Variants in IFT74 observed in about 807,000 individuals in gnomAD.
IFT74 encodes the protein intraflagellar transport 74, also known as intraflagellar transport protein 74 homolog.
Under a neutral mutation model 96.7 loss-of-function variants are expected in IFT74, and 92 were observed. The ratio of observed to expected loss-of-function variants is 0.95; its 90% CI spans 0.80 to 1.13. The LOEUF (loss-of-function observed/expected upper bound fraction) is 1.13. Ranked by LOEUF, IFT74 falls within the 50% of genes most tolerant of loss-of-function variation. The pLI is 0.00. For synonymous variants in IFT74, 223 were observed against 213.2 expected, an observed-to-expected ratio of 1.05 and a Z score of -0.40; for missense variants, 811 against 698.2, an observed-to-expected ratio of 1.16 and a Z score of -1.82.
intron 8 of IFT74, among the ~76,000 whole-genome samples, chr9:26,998,820 C>T (rs867358799): frequency 1.3e-4 from 20 of 150,160 alleles, no homozygotes; most frequent in African/African-American, 3.7e-4. Flanking sequence ...CCTGTCTCTA[C>T]TGAAAATACA....
At chr9:26,974,778 T>C (rs1360261761) in intron 2 of IFT74, among the ~76,000 whole-genome samples, 1 of 152,188 alleles carries the variant, frequency 6.6e-6, no homozygotes, top group Non-Finnish European at 1.5e-5. Context: ...GTCCTAAGAA[T>C]TGATCAACTT....
chr9:27,024,546 C>A (rs1277085579), intron 12 of IFT74, among the ~76,000 whole-genome samples: 1 of 152,132 alleles, frequency 6.6e-6, no homozygotes, highest in Non-Finnish European at 1.5e-5. Flanking sequence ...TTTCTTCTGT[C>A]ATAGTCTACC....
At chr9:26,987,665 T>G (rs1325892494) in intron 6 of IFT74, among the ~76,000 whole-genome samples, 1 of 152,220 alleles carries the variant, frequency 6.6e-6, no homozygotes. Flanking sequence ...TTAGTAGACC[T>G]TCTGTTCACA....
intron 1 of IFT74, among the ~76,000 whole-genome samples, chr9:26,957,121 C>G (rs1826144980): frequency 6.6e-6 from 1 of 152,142 alleles, no homozygotes; most frequent in Non-Finnish European, 1.5e-5. Flanking sequence ...GCCAGGCTGC[C>G]TCTCTGTGTG....
At chr9:26,998,954 A>G (rs191613026) in intron 8 of IFT74, among the ~76,000 whole-genome samples, 1 of 152,210 alleles carries the variant, frequency 6.6e-6, no homozygotes, top group East Asian at 1.9e-4. Flanking sequence ...AGATCATGCC[A>G]TTACACTCCA....
chr9:27,027,743 G>C (rs1429359404), intron 12 of IFT74, among the ~76,000 whole-genome samples: 1 of 151,878 alleles, frequency 6.6e-6, no homozygotes, highest in African/African-American at 2.4e-5. Context: ...ATTTTCCCTT[G>C]TTCTATGAAT....
chr9:26,979,722 T>A (rs1333329991), intron 3 of IFT74, among the ~76,000 whole-genome samples: 4 of 142,254 alleles, frequency 2.8e-5, no homozygotes, highest in Admixed American at 7.0e-5. Context: ...TTTTTTTTTT[T>A]TTTTTTTTGA....
rs1359736519 is a variant in IFT74, at chr9:27,016,969, G to T, written c.852G>T (p.Leu284Phe). ...AVLLHEKLYE[L>F]ESHRDQMIAE... ...TGCTGCATGAAAAACTTTATGAGTT[G>T]GAGTCCCATCGAGATCAAATGATTG... is the stretch of plus-strand genomic sequence containing the variant. Residue 284 changes from leucine to phenylalanine, a missense_variant, in exon 11 of 20, where the codon TTG (leucine) becomes TTT (phenylalanine). Transcript: ENST00000380062. 6.2e-7 allele frequency: 1 copy of T among 1,610,916 alleles called. No individual in the cohort carries two copies. The highest frequency in any genetic ancestry group is 1.7e-5 in the Admixed American group (1 of 59,624).
At chr9:27,020,479 T>C (rs1032326970) in intron 12 of IFT74, among the ~76,000 whole-genome samples, 2 of 149,862 alleles carry the variant, frequency 1.3e-5, no homozygotes, top group African/African-American at 4.9e-5. Context: ...TTTTTTTTTT[T>C]TTTCTTTTTT....
Position 27,064,376 on chromosome 9 carries a change from A to T in IFT74, c.*1640A>T, listed in dbSNP as rs942624958. ...AAGTGCTTATAAAATTTCACAAGGG[A>T]AAAAAACTCTTTTAGCAGTTAAAGA... On this transcript the variant is annotated 3_prime_UTR_variant, in exon 20 of 20. Transcript: ENST00000380062. Among the ~76,000 whole-genome samples, 2 of 152,068 alleles carry T rather than the reference A, an allele frequency of 1.3e-5. No individual in the cohort carries two copies. Among genetic ancestry groups the T allele is most frequent in the Non-Finnish European group, 2.9e-5 (2 of 67,960 alleles).
intron 15 of IFT74, among the ~76,000 whole-genome samples, chr9:27,047,578 A>G (rs1819748081): frequency 1.3e-5 from 2 of 152,220 alleles, no homozygotes; most frequent in African/African-American, 4.8e-5. Flanking sequence ...ATAGAGAAAA[A>G]GGATGACATG....
At chr9:27,018,879 A>G (rs1429583026) in intron 12 of IFT74, among the ~76,000 whole-genome samples, 192 bp downstream of exon 12, 1 of 152,174 alleles carries the variant, frequency 6.6e-6, no homozygotes, top group African/African-American at 2.4e-5. Flanking sequence ...ATACCATATA[A>G]TAGACATATT....
At chr9:27,017,665 T>C (rs1829413773) in intron 11 of IFT74, among the ~76,000 whole-genome samples, 1 of 152,212 alleles carries the variant, frequency 6.6e-6, no homozygotes, top group Non-Finnish European at 1.5e-5. Context: ...ATTTAGAAAA[T>C]GGAGTATCCC....
chr9:27,052,859 T>G (rs1015973849), intron 16 of IFT74, among the ~76,000 whole-genome samples: 1 of 147,860 alleles, frequency 6.8e-6, no homozygotes, highest in African/African-American at 2.6e-5. Context: ...GTACTCCATG[T>G]TGTTGTTGTT....
At chr9:26,987,309 CT>C (rs1034531624) in intron 6 of IFT74, among the ~76,000 whole-genome samples, 1 of 152,040 alleles carries the variant, frequency 6.6e-6, no homozygotes, top group African/African-American at 2.4e-5. Context: ...CCAGGCTGAT[CT>C]CAAACTCCTG....
chr9:26,988,858 C>T, intron 7 of IFT74, 130 bp downstream of exon 7: 1 of 858,234 alleles, frequency 1.2e-6, no homozygotes, highest in Non-Finnish European at 1.6e-6. Context: ...TTGTAAATAC[C>T]ACTATTAGGT....
chr9:26,991,153 A>T (rs770460100), intron 8 of IFT74, among the ~76,000 whole-genome samples: 16 of 152,210 alleles, frequency 1.1e-4, no homozygotes, highest in Non-Finnish European at 2.1e-4. Flanking sequence ...TTGATGATGG[A>T]TAGATGTTAA....
chr9:27,021,990 C>T (rs538055841), intron 12 of IFT74, among the ~76,000 whole-genome samples: 1 of 152,258 alleles, frequency 6.6e-6, no homozygotes, highest in Non-Finnish European at 1.5e-5. Flanking sequence ...TCTGATTCAC[C>T]TTGAATTGAT....
intron 16 of IFT74, 109 bp from the exon 17 acceptor site, chr9:27,055,500 C>G (rs1820120525): frequency 2.7e-6 from 2 of 730,046 alleles, no homozygotes; most frequent in Non-Finnish European, 4.3e-6. Flanking sequence ...ACATATATTT[C>G]TTTTACAGAT....
Sources: gnomAD v4.1 joint callset for allele counts (sites outside exome capture counted in the v4.1 genomes callset) on GRCh38, gnomAD v4.1.1 for gene constraint, MANE v1.5 for transcripts, NCBI Gene and HGNC (gene_info 2026-07-23, HGNC 2026-07-21) for gene names.